LAMA1: variants seen among roughly 807,000 people sequenced by gnomAD.
LAMA1 encodes the protein laminin subunit alpha 1.
A neutral mutation model predicts 348.7 loss-of-function variants in LAMA1; 219 were observed. The ratio of observed to expected loss-of-function variants is 0.63; its 90% CI spans 0.56 to 0.70. The LOEUF (loss-of-function observed/expected upper bound fraction) is 0.70, where lower values mean the gene tolerates loss of function less well. LAMA1 is among the 30% of genes least tolerant of loss of function. The probability of loss-of-function intolerance (pLI) is 0.00; values close to 1 mark genes in which losing one functional copy is unlikely to be tolerated. For missense variants in LAMA1, 3,744 were observed against 3,888.0 expected (o/e 0.96, Z 0.99); for synonymous variants, 1,487 against 1,491.0 (o/e 1.00, Z 0.06).
chr18:6,992,468 C>T (rs2057762938), intron 36 of LAMA1, 93 bp downstream of exon 36: 1 of 1,424,740 alleles, frequency 7.0e-7, no homozygotes, highest in Non-Finnish European at 9.9e-7. Flanking sequence ...CCAGTGAGCA[C>T]TTTTCTTCCA....
chr18:6,961,283 C>A (rs2057605850), intron 53 of LAMA1, among the ~76,000 whole-genome samples: 1 of 152,052 alleles, frequency 6.6e-6, no homozygotes, highest in South Asian at 2.1e-4. Context: ...GAAAAATGAC[C>A]ACAACATGGG....
At chr18:7,048,920 T>C (rs1056219144) in intron 5 of LAMA1, among the ~76,000 whole-genome samples, 158 bp downstream of exon 5, 12 of 152,010 alleles carry the variant, frequency 7.9e-5, no homozygotes, top group Non-Finnish European at 1.6e-4. Context: ...TGTAACAACA[T>C]AGCAATCTTA....
chr18:7,005,245 C>T (rs2057826957), intron 29 of LAMA1, among the ~76,000 whole-genome samples: 1 of 152,206 alleles, frequency 6.6e-6, no homozygotes, highest in Non-Finnish European at 1.5e-5. Context: ...CATCACTTTT[C>T]ATGAATAATC....
At chr18:6,966,388 ACTGTAGAG>A in intron 48 of LAMA1, 91 bp from the exon 49 acceptor site, 1 of 1,060,380 alleles carries the variant, frequency 9.4e-7, no homozygotes, top group Non-Finnish European at 1.4e-6. Flanking sequence ...CACAAAGATC[ACTGTAGAG>A]CTATTAGTTC....
At position 6,976,095 on chromosome 18, in the gene LAMA1, T is replaced by C. The variant is rs2144037198; in HGVS notation, c.6346-15A>G. 19 of 1,613,902 alleles carry C rather than the reference T, an allele frequency of 1.2e-5. No individual in the cohort carries two copies. The highest frequency in any genetic ancestry group is 1.6e-5 in the Non-Finnish European group (19 of 1,179,872). On this transcript the variant is annotated splice_polypyrimidine_tract_variant and intron_variant, in intron 44 of 62. Coordinates refer to ENST00000389658, the MANE Select transcript of LAMA1 (RefSeq NM_005559.4). ...GCGACTTTAATCTGTAGAAGGAAAA[T>C]GAAAGTGTCCCCATCATTTAGTGAC...
intron 7 of LAMA1, 51 bp from the exon 8 acceptor site, chr18:7,043,456 C>T (rs11663956): frequency 2.7e-6 from 4 of 1,478,630 alleles, no homozygotes; most frequent in Non-Finnish European, 3.8e-6. Flanking sequence ...ATGCCTTATA[C>T]AAAGAAAACT....
Position 7,010,369 on chromosome 18 carries a change from C to T in LAMA1, c.3704G>A (p.Gly1235Asp), listed in dbSNP as rs761513842. The T allele has an allele frequency of 4.3e-6, 7 of 1,613,900 alleles. No homozygotes were observed. Among genetic ancestry groups the T allele is most frequent in the South Asian group, 1.1e-5 (1 of 91,092 alleles). Reference protein sequence around the residue: ...FQGDQLMAYGGKLKYSVAFYS... With the variant: ...FQGDQLMAYGDKLKYSVAFYS... ...GAAGGCCACGCTGTACTTCAGTTTG[C>T]CACCATAGGCCATGAGCTATCAAAT... The change falls in exon 26 of 63, where the codon GGC (glycine) becomes GAC (aspartate). Residue 1235 changes from glycine (G) to aspartate (D), a missense_variant. Physicochemically the swap from Gly to Asp is moderately conservative, Grantham distance 94. Transcript: ENST00000389658.
chr18:7,073,338 G>T (rs1054643875), intron 3 of LAMA1, among the ~76,000 whole-genome samples: 11 of 152,080 alleles, frequency 7.2e-5, no homozygotes, highest in African/African-American at 1.4e-4. Context: ...TCACACTGTT[G>T]TGCAATGATC....
At chr18:6,999,176 C>T (rs1031106849) in intron 32 of LAMA1, among the ~76,000 whole-genome samples, 1 of 152,040 alleles carries the variant, frequency 6.6e-6, no homozygotes, top group Admixed American at 6.6e-5. Context: ...AATATTAATG[C>T]CACTAAAGGA....
At chr18:6,965,548 C>CTGTGGGGCCAGAT in intron 49 of LAMA1, 116 bp from the exon 50 acceptor site, 4 of 1,228,534 alleles carry the variant, frequency 3.3e-6, no homozygotes, top group Non-Finnish European at 3.6e-6. Context: ...CTGGATCTGG[C>CTGTGGGGCCAGAT]CCCACAGCCA....
In LAMA1 at chr18:7,086,745, G is replaced by A. The variant is rs147063624; in HGVS notation, c.62-6288C>T. On this transcript the variant is annotated intron_variant, in intron 1 of 62. Coordinates refer to ENST00000389658, the MANE Select transcript of LAMA1 (RefSeq NM_005559.4). ...TCCCTCAGGGACCACACAGGCGCAC[G>A]GGACCGAGCACCTAAAATCTAGACT... 3.9e-3 allele frequency among the ~76,000 whole-genome samples: 598 copies of A among 152,300 alleles called. 3 individuals carry two copies. The highest frequency in any genetic ancestry group is 0.014 in the African/African-American group (567 of 41,562).
chr18:7,073,464 T>G (rs35312302), intron 3 of LAMA1, among the ~76,000 whole-genome samples: 19 of 152,202 alleles, frequency 1.2e-4, no homozygotes, highest in Non-Finnish European at 2.1e-4. Flanking sequence ...TCTGTCTCTA[T>G]GAACTGACTT....
rs774673002 is a variant in LAMA1 at position 7,049,078 on chromosome 18, G to A, written c.768C>T (p.Arg256=). ...PKELDPIVTR[R]YYYSIKDISV... is the part of the protein sequence containing the mutation. ...GGCAGGACTGCCGTCCCATACTCACGCGTCTGGTAACAATAGGATCCAGTT... is the reference window on the plus strand; with the variant it reads ...GGCAGGACTGCCGTCCCATACTCACACGTCTGGTAACAATAGGATCCAGTT... Residue 256 remains arginine (R), a splice_region_variant and synonymous_variant, in exon 5 of 63, where the codon CGC becomes CGT. Coordinates refer to ENST00000389658, the MANE Select transcript of LAMA1 (RefSeq NM_005559.4). 14 of 1,613,252 alleles carry A rather than the reference G, an allele frequency of 8.7e-6. No individual in the cohort carries two copies. The African/African-American group carries it at 9.4e-5, about 11-fold the overall frequency.
rs181622860 is a variant in LAMA1 at position 6,971,000 on chromosome 18, G to A, written c.6899+857C>T. Among the ~76,000 whole-genome samples the A allele has an allele frequency of 5.5e-4, 84 of 152,262 alleles. No homozygotes were observed. The East Asian group carries it at 0.01, about 18-fold the overall frequency. On this transcript the variant is annotated intron_variant, in intron 48 of 62. Coordinates refer to ENST00000389658, the MANE Select transcript of LAMA1 (RefSeq NM_005559.4). Reference sequence around the variant, plus strand: ...CAATGACAAAATGAAAAATTCACCCGTGAGTTTCTAAATGTGCTGTGAGTT... The same window carrying A: ...CAATGACAAAATGAAAAATTCACCCATGAGTTTCTAAATGTGCTGTGAGTT...
In LAMA1 at chr18:7,087,037, T is replaced by C. The variant is rs375290518; in HGVS notation, c.62-6580A>G. Among the ~76,000 whole-genome samples, 25 of 152,188 alleles carry C rather than the reference T, an allele frequency of 1.6e-4. No homozygotes were observed. The East Asian group carries it at 3.3e-3, about 20-fold the overall frequency. ...GATCTTTTTGGACAAAAGAAGCAAA[T>C]AGAAATAGAGAGAAAAATTATTATT... On this transcript the variant is annotated intron_variant, in intron 1 of 62. Coordinates refer to ENST00000389658, the MANE Select transcript of LAMA1 (RefSeq NM_005559.4).
intron 29 of LAMA1, among the ~76,000 whole-genome samples, chr18:7,006,230 G>C (rs186766128): frequency 6.6e-6 from 1 of 152,258 alleles, no homozygotes; most frequent in Admixed American, 6.5e-5. Context: ...CGAGGCTTCT[G>C]TCTGGGCCGC....
chr18:7,060,809 C>T (rs76078943), intron 3 of LAMA1, among the ~76,000 whole-genome samples: 1,973 of 152,274 alleles, frequency 0.013, 37 homozygotes, highest in African/African-American at 0.044. Context: ...AGCTGACCCA[C>T]GGTCCAGGTG....
intron 55 of LAMA1, among the ~76,000 whole-genome samples, chr18:6,957,865 C>T (rs2057587476): frequency 2.0e-5 from 3 of 152,014 alleles, no homozygotes; most frequent in South Asian, 2.1e-4. Flanking sequence ...CACTGCACCT[C>T]CGCCTCCCGG....
intron 16 of LAMA1, among the ~76,000 whole-genome samples, chr18:7,027,110 G>C (rs530210141): frequency 3.7e-4 from 57 of 152,290 alleles, no homozygotes; most frequent in African/African-American, 1.3e-3. Context: ...TCTGATCCTA[G>C]ATGGGGGCCT....
Sources: gnomAD v4.1 joint callset for allele counts (sites outside exome capture counted in the v4.1 genomes callset) on GRCh38, gnomAD v4.1.1 for gene constraint, MANE v1.5 for transcripts, NCBI Gene and HGNC (gene_info 2026-07-23, HGNC 2026-07-21) for gene names.